The following RBFOX1 variants were observed in gnomAD, a reference collection of about 807,000 sequenced individuals.
RBFOX1 encodes the protein RNA binding protein fox-1 homolog 1.
RBFOX1 carries 8 observed loss-of-function variants against 57.7 expected under a neutral mutation model. The observed-to-expected ratio is 0.14, with a 90% CI of 0.08 to 0.25. The LOEUF (loss-of-function observed/expected upper bound fraction) is 0.25, where lower values mean the gene tolerates loss of function less well. Ranked by LOEUF, RBFOX1 falls within the 10% of genes least tolerant of loss-of-function variation. The probability of loss-of-function intolerance (pLI) is 1.00; values close to 1 mark genes in which losing one functional copy is unlikely to be tolerated. For missense variants in RBFOX1, 611 were observed against 548.5 expected (o/e 1.11, Z -1.14); for synonymous variants, 326 against 222.4 (o/e 1.47, Z -4.15).
chr16:5,442,057 G>A (rs74004309), intron 1 of RBFOX1, among the ~76,000 whole-genome samples: 2,994 of 152,222 alleles, frequency 0.02, 91 homozygotes, highest in African/African-American at 0.068. Context: ...TCAAGCAGTC[G>A]TCATGCAGAG....
At chr16:6,768,847 G>A (rs903277523) in intron 3 of RBFOX1, among the ~76,000 whole-genome samples, 1 of 151,426 alleles carries the variant, frequency 6.6e-6, no homozygotes, top group Admixed American at 6.6e-5. Flanking sequence ...TTCTGCCTCA[G>A]CCTCCCGAGT....
chr16:6,946,975 C>G (rs929594559), intron 3 of RBFOX1, among the ~76,000 whole-genome samples: 76 of 152,150 alleles, frequency 5.0e-4, no homozygotes, highest in African/African-American at 1.6e-3. Context: ...TATTTGAATC[C>G]CAGCCTGACC....
intron 4 of RBFOX1, among the ~76,000 whole-genome samples, chr16:7,503,050 T>G (rs1478267267): frequency 6.6e-6 from 1 of 152,032 alleles, no homozygotes; most frequent in Non-Finnish European, 1.5e-5. Context: ...TATTCTAAAT[T>G]TATCCATGTC....
In RBFOX1 at chr16:5,289,993, G is replaced by A. The variant is rs144376444; in HGVS notation, c.219+49888G>A. Among the ~76,000 whole-genome samples, 338 of 152,324 alleles carry A rather than the reference G, an allele frequency of 2.2e-3. 2 individuals carry two copies. Among genetic ancestry groups the A allele is most frequent in the African/African-American group, 7.8e-3 (325 of 41,556 alleles). ...CACAAATGCTTGTCTACTGATGAGTGGAGAGATGGAACATGGTTTGACCAT... is the reference window on the plus strand; with the variant it reads ...CACAAATGCTTGTCTACTGATGAGTAGAGAGATGGAACATGGTTTGACCAT... On this transcript the variant is annotated intron_variant, in intron 1 of 2. Transcript: ENST00000585867.
At chr16:5,270,690 C>G (rs758418032) in intron 1 of RBFOX1, 3 of 522,684 alleles carry the variant, frequency 5.7e-6, no homozygotes, top group Admixed American at 4.7e-5. Context: ...AAATCATGAC[C>G]TGAGATGTGC....
intron 4 of RBFOX1, among the ~76,000 whole-genome samples, chr16:7,225,239 C>T (rs1366429796): frequency 1.3e-5 from 2 of 151,972 alleles, no homozygotes; most frequent in South Asian, 4.2e-4. Flanking sequence ...TGGCTGTGTC[C>T]CCACCCAAAT....
chr16:7,464,939 A>G (rs1009311471), intron 4 of RBFOX1, among the ~76,000 whole-genome samples: 1 of 151,616 alleles, frequency 6.6e-6, no homozygotes, highest in Non-Finnish European at 1.5e-5. Context: ...CCTCGTGATC[A>G]GTCCACCTCG....
At chr16:5,598,624 T>G (rs1443702337) in intron 2 of RBFOX1, among the ~76,000 whole-genome samples, 1 of 152,242 alleles carries the variant, frequency 6.6e-6, no homozygotes, top group Non-Finnish European at 1.5e-5. Context: ...ATATTCATTT[T>G]CTTCATCATG....
At chr16:5,730,871 C>T (rs781707471) in intron 3 of RBFOX1, among the ~76,000 whole-genome samples, 1 of 152,048 alleles carries the variant, frequency 6.6e-6, no homozygotes, top group South Asian at 2.1e-4. Context: ...TCATTGTCAT[C>T]ACCACTATTA....
At chr16:6,990,498 C>G (rs551418616) in intron 3 of RBFOX1, among the ~76,000 whole-genome samples, 1 of 152,116 alleles carries the variant, frequency 6.6e-6, no homozygotes, top group East Asian at 1.9e-4. Flanking sequence ...GCATTCCCAC[C>G]TGGGCAACAA....
chr16:7,073,410 A>G (rs1402057012), intron 4 of RBFOX1, among the ~76,000 whole-genome samples: 1 of 152,186 alleles, frequency 6.6e-6, no homozygotes, highest in Non-Finnish European at 1.5e-5. Context: ...GGTCAAGAGC[A>G]TGCATGAGTT....
intron 4 of RBFOX1, among the ~76,000 whole-genome samples, chr16:5,929,386 A>C (rs571433337): frequency 6.1e-4 from 92 of 152,032 alleles, no homozygotes; most frequent in Non-Finnish European, 1.1e-3. Context: ...TCTGAGAATC[A>C]TGGTTCTGGA....
intron 4 of RBFOX1, among the ~76,000 whole-genome samples, chr16:5,914,895 A>AAAAAC (rs921890980): frequency 3.3e-5 from 5 of 152,100 alleles, no homozygotes; most frequent in African/African-American, 1.2e-4. Context: ...ACTCTGTCTC[A>AAAAAC]AAAACAAAAC....
chr16:6,231,430 C>T (rs2097459398), intron 1 of RBFOX1, among the ~76,000 whole-genome samples: 2 of 151,994 alleles, frequency 1.3e-5, no homozygotes, highest in Admixed American at 6.6e-5. Flanking sequence ...GGAATCCTAC[C>T]CAGGTGCTAT....
At chr16:6,821,768 T>G (rs140324099) in intron 3 of RBFOX1, among the ~76,000 whole-genome samples, 2 of 152,250 alleles carry the variant, frequency 1.3e-5, no homozygotes, top group Non-Finnish European at 2.9e-5. Context: ...AACCAATTTT[T>G]TCATTGATAG....
chr16:7,497,281 G>C (rs1330798572), intron 4 of RBFOX1, among the ~76,000 whole-genome samples: 1 of 152,058 alleles, frequency 6.6e-6, no homozygotes, highest in Non-Finnish European at 1.5e-5. Flanking sequence ...ATATTATCCT[G>C]TTTTCTGTGT....
intron 1 of RBFOX1, among the ~76,000 whole-genome samples, chr16:5,346,904 A>T (rs1470915085): frequency 6.6e-6 from 1 of 152,202 alleles, no homozygotes; most frequent in Non-Finnish European, 1.5e-5. Context: ...ACGTATATTC[A>T]GCATTCAGAA....
chr16:7,315,930 C>A (rs775063243), intron 4 of RBFOX1, among the ~76,000 whole-genome samples: 2 of 152,052 alleles, frequency 1.3e-5, no homozygotes, highest in Non-Finnish European at 2.9e-5. Flanking sequence ...TTTCAAACCC[C>A]AAACAGAAGA....
chr16:6,817,846 G>C (rs893326340), intron 3 of RBFOX1, among the ~76,000 whole-genome samples: 1 of 152,154 alleles, frequency 6.6e-6, no homozygotes, highest in African/African-American at 2.4e-5. Context: ...CTGTGAATGT[G>C]ACTCATATCA....
Sources: allele counts gnomAD v4.1 joint callset (sites outside exome capture counted in the v4.1 genomes callset), GRCh38; gene constraint gnomAD v4.1.1; transcripts MANE v1.5; gene names NCBI Gene and HGNC (gene_info 2026-07-23, HGNC 2026-07-21).